The following KATNAL1 variants were observed in gnomAD, a reference collection of about 807,000 sequenced individuals.
KATNAL1 encodes katanin p60 ATPase-containing subunit A-like 1.
Under a neutral mutation model 55.2 loss-of-function variants are expected in KATNAL1, and 32 were observed. The observed-to-expected ratio is 0.58, with a 90% CI of 0.44 to 0.78. KATNAL1 has a LOEUF of 0.78. Ranked by LOEUF, KATNAL1 falls within the 30% of genes least tolerant of loss-of-function variation. The pLI is 0.00. For missense variants in KATNAL1, 466 were observed against 600.9 expected (o/e 0.78, Z 2.35); for synonymous variants, 193 against 193.6 (o/e 1.00, Z 0.02).
intron 9 of KATNAL1, among the ~76,000 whole-genome samples, chr13:30,221,888 T>C (rs569210747): frequency 6.6e-6 from 1 of 152,016 alleles, no homozygotes; most frequent in South Asian, 2.1e-4. Context: ...CCTGTCTCTA[T>C]TAAAAGTATA....
intron 1 of KATNAL1, among the ~76,000 whole-genome samples, chr13:30,290,563 G>A (rs1204022897): frequency 6.7e-6 from 1 of 150,090 alleles, no homozygotes; most frequent in Non-Finnish European, 1.5e-5. Context: ...TCCTTTTTTT[G>A]CCATAGTTCT....
At chr13:30,284,414 CAATT>C (rs1881634474) in intron 1 of KATNAL1, among the ~76,000 whole-genome samples, 1 of 151,734 alleles carries the variant, frequency 6.6e-6, no homozygotes, top group Admixed American at 6.6e-5. Flanking sequence ...TTTTTTTATT[CAATT>C]TATTCTTGAC....
chr13:30,228,045 C>T (rs1044985696), intron 8 of KATNAL1, among the ~76,000 whole-genome samples: 9 of 152,034 alleles, frequency 5.9e-5, no homozygotes, highest in African/African-American at 2.2e-4. Context: ...ATGATGTTGT[C>T]CTTTAAACTT....
At chr13:30,221,615 T>G (rs1218191841) in intron 9 of KATNAL1, among the ~76,000 whole-genome samples, 1 of 152,240 alleles carries the variant, frequency 6.6e-6, no homozygotes, top group Non-Finnish European at 1.5e-5. Flanking sequence ...ACTTACAGAC[T>G]TTACATAACT....
chr13:30,236,702 T>C (rs1403922340), intron 6 of KATNAL1, among the ~76,000 whole-genome samples: 2 of 152,202 alleles, frequency 1.3e-5, no homozygotes, highest in Non-Finnish European at 1.5e-5. Context: ...AATGGCTCAC[T>C]GACATCTTTA....
At chr13:30,288,437 A>G (rs1249234662) in intron 1 of KATNAL1, among the ~76,000 whole-genome samples, 1 of 152,220 alleles carries the variant, frequency 6.6e-6, no homozygotes, top group African/African-American at 2.4e-5. Flanking sequence ...AAACATACCT[A>G]TTGCAAACTG....
chr13:30,261,220 A>G (rs1099849), intron 3 of KATNAL1, among the ~76,000 whole-genome samples: 135,794 of 151,918 alleles, frequency 0.89, 60,746 homozygotes, highest in East Asian at 0.96. Context: ...TTAAGGAAGC[A>G]CTAAACATGG....
chr13:30,283,628 G>C lies in KATNAL1; in HGVS notation c.150C>G (p.Gly50=). 6.2e-7 allele frequency: 1 copy of C among 1,613,592 alleles called. No homozygotes were observed. The highest frequency in any genetic ancestry group is 8.5e-7 in the Non-Finnish European group (1 of 1,179,780). The change falls in exon 2 of 11, where the codon GGC becomes GGG. Residue 50 remains glycine, a synonymous_variant. Transcript: ENST00000380615. The part of the protein sequence containing the change: ...CQSVRDPAIK[G]KWQQVRQELL... ...AATACCATCTTACCTGTTGCCATTT[G>C]CCTTTGATAGCTGGATCTCTGACTG...
chr13:30,291,437 T>C (rs1882127043), intron 1 of KATNAL1, among the ~76,000 whole-genome samples: 1 of 152,198 alleles, frequency 6.6e-6, no homozygotes, highest in Admixed American at 6.5e-5. Flanking sequence ...AATAGATATG[T>C]GTGTATGTGT....
chr13:30,296,642 C>A (rs1882519939), intron 1 of KATNAL1: 2 of 689,254 alleles, frequency 2.9e-6, no homozygotes, highest in East Asian at 3.0e-5. Flanking sequence ...CGGACGAGCA[C>A]AGGGAAGTTT....
At chr13:30,293,282 A>T (rs1448567822) in intron 1 of KATNAL1, among the ~76,000 whole-genome samples, 3 of 152,148 alleles carry the variant, frequency 2.0e-5, no homozygotes, top group African/African-American at 7.2e-5. Context: ...TTTATATTAT[A>T]ATCCTTCTTT....
In KATNAL1 at chr13:30,208,565, C is replaced by G; in HGVS notation, c.1448G>C (p.Trp483Ser). 2 of 1,594,520 alleles carry G rather than the reference C, an allele frequency of 1.3e-6. No homozygotes were observed. The highest frequency in any genetic ancestry group is 2.3e-5 in the East Asian group (1 of 44,238). Reference protein sequence around the residue: ...SAADLEKYEKWMVEFGSA With the variant: ...SAADLEKYEKSMVEFGSA ...TCAAGCAGATCCAAATTCAACCATC[C>G]ATTTTTCATACTTCTCCAAGTCTGC... is the stretch of plus-strand genomic sequence containing the variant. Residue 483 changes from tryptophan (W) to serine (S), a missense_variant, in exon 11 of 11, where the codon TGG becomes TCG. Trp to Ser is a radical substitution (Grantham distance 177, BLOSUM62 -3). Coordinates refer to ENST00000380615, the MANE Select transcript of KATNAL1 (RefSeq NM_032116.5).
intron 1 of KATNAL1, among the ~76,000 whole-genome samples, chr13:30,291,117 T>C (rs1882104615): frequency 6.6e-6 from 1 of 152,134 alleles, no homozygotes; most frequent in Non-Finnish European, 1.5e-5. Context: ...GATACAAAAA[T>C]AAAAGGCATG....
At chr13:30,224,397 C>A (rs971002079) in intron 9 of KATNAL1, among the ~76,000 whole-genome samples, 2 of 151,788 alleles carry the variant, frequency 1.3e-5, no homozygotes, top group Non-Finnish European at 2.9e-5. Flanking sequence ...ATTAGCCAGG[C>A]ACAGTGACAT....
intron 3 of KATNAL1, among the ~76,000 whole-genome samples, chr13:30,279,597 G>A (rs1881119619): frequency 6.6e-6 from 1 of 152,170 alleles, no homozygotes; most frequent in Admixed American, 6.5e-5. Context: ...GCCACACTGA[G>A]GAATGTAACC....
chr13:30,282,036 A>T (rs115400364), intron 2 of KATNAL1, among the ~76,000 whole-genome samples: 1,049 of 36,202 alleles, frequency 0.029, 14 homozygotes, highest in African/African-American at 0.23. Context: ...ATTATTTGTA[A>T]AAAAAAAAAA....
chr13:30,257,474 T>C (rs886859676), intron 3 of KATNAL1, among the ~76,000 whole-genome samples: 2 of 152,228 alleles, frequency 1.3e-5, no homozygotes, highest in East Asian at 3.8e-4. Flanking sequence ...CCCAGCTGGA[T>C]GCCAGGCTGC....
chr13:30,294,221 A>G (rs1882327311), intron 1 of KATNAL1, among the ~76,000 whole-genome samples: 1 of 152,244 alleles, frequency 6.6e-6, no homozygotes, highest in African/African-American at 2.4e-5. Flanking sequence ...CAAGCAAGGC[A>G]TGTTGAAAGC....
At chr13:30,269,977 G>A (rs1367269288) in intron 3 of KATNAL1, among the ~76,000 whole-genome samples, 4 of 149,486 alleles carry the variant, frequency 2.7e-5, no homozygotes, top group Non-Finnish European at 4.5e-5. Flanking sequence ...CTACTGGGAA[G>A]TGAGGAGCCC....
Sources: allele counts gnomAD v4.1 joint callset (sites outside exome capture counted in the v4.1 genomes callset), GRCh38; gene constraint gnomAD v4.1.1; transcripts MANE v1.5; gene names NCBI Gene and HGNC (gene_info 2026-07-23, HGNC 2026-07-21).